PWWP2A: variants seen among roughly 807,000 people sequenced by gnomAD.
PWWP2A encodes PWWP domain containing 2A.
PWWP2A carries 18 observed loss-of-function variants against 48.5 expected under a neutral mutation model. That is an observed-to-expected ratio of 0.37 (90% CI 0.26 to 0.55). PWWP2A has a LOEUF of 0.55. Ranked by LOEUF, PWWP2A falls within the 20% of genes least tolerant of loss-of-function variation. The pLI, the probability that PWWP2A is intolerant of heterozygous loss-of-function variation, is 0.81. For synonymous variants in PWWP2A, 396 were observed against 387.7 expected (o/e 1.02, Z -0.25); for missense variants, 867 against 976.4 (o/e 0.89, Z 1.49).
At chr5:160,067,789 A>ATGTT (rs750920604) in intron 2 of PWWP2A, among the ~76,000 whole-genome samples, 1 of 152,236 alleles carries the variant, frequency 6.6e-6, no homozygotes, top group Non-Finnish European at 1.5e-5. Context: ...CCTTTTGAAA[A>ATGTT]TGTTTGACCA....
chr5:160,072,833 A>AAATG (rs1753772356), downstream of PWWP2A, among the ~76,000 whole-genome samples: 1 of 151,860 alleles, frequency 6.6e-6, no homozygotes, highest in South Asian at 2.1e-4. Context: ...AAAAATAAAT[A>AAATG]AATGAATAAG....
Position 160,117,546 on chromosome 5 carries a change from A to G in PWWP2A, c.584+1259T>C, listed in dbSNP as rs149088288. 6.8e-3 allele frequency among the ~76,000 whole-genome samples: 1,039 copies of G among 152,068 alleles called. 14 individuals are homozygous for G. Among genetic ancestry groups the G allele is most frequent in the African/African-American group, 0.024 (988 of 41,492 alleles). On this transcript the variant is annotated intron_variant, in intron 1 of 1. Coordinates refer to ENST00000307063, the MANE Select transcript of PWWP2A (RefSeq NM_001130864.2). ...GTGGCGCACGCCTGTAGTCCCAGCT[A>G]CTTGGGAGGCTGAGGCGGGAGAATC... is the stretch of plus-strand genomic sequence containing the variant.
At position 160,094,133 on chromosome 5, in the gene PWWP2A, AAAC is replaced by A. The variant is rs1443667140; in HGVS notation, c.585-71_585-69del. 81 of 1,435,288 alleles carry A rather than the reference AAAC, an allele frequency of 5.6e-5. 1 individual carries two copies. Among genetic ancestry groups the A allele is most frequent in the South Asian group, 8.9e-5 (6 of 67,546 alleles). The allele number at this position is 1,435,288 out of a possible 1,614,324, so 88.9% of individuals were successfully genotyped here. A position where few individuals can be genotyped will look rare whatever the true frequency, so the allele number is the denominator to read the frequency against. ...ATCTATAATTCAATTTCTTAAACGT[AAAC>A]AACATCTGATGCTTATTTATATAAC... On this transcript the variant is annotated intron_variant, in intron 1 of 1. Coordinates refer to ENST00000307063, the MANE Select transcript of PWWP2A (RefSeq NM_001130864.2).
exon 5 of PWWP2A, chr5:160,063,618 TG>T (rs1753499196): frequency 6.6e-6 from 1 of 152,124 alleles, no homozygotes; most frequent in South Asian, 2.1e-4. Flanking sequence ...GTACCTCTGG[TG>T]ATTAGGGATT....
chr5:160,094,975 G>A (rs1044716918), intron 1 of PWWP2A, among the ~76,000 whole-genome samples: 2 of 131,864 alleles, frequency 1.5e-5, no homozygotes, highest in African/African-American at 5.7e-5. Context: ...GTGAACCCAA[G>A]AGGCAGAGCT....
chr5:160,051,293 C>A, the PWWP2A span: 3 of 821,238 alleles, frequency 3.7e-6, no homozygotes, highest in Non-Finnish European at 5.6e-6. Flanking sequence ...GACTCTACCA[C>A]AAGGCTACTG....
chr5:160,078,313 G>T lies in PWWP2A; in HGVS notation c.1670-145C>A. 1.6e-6 allele frequency: 1 copy of T among 627,826 alleles called. No homozygotes were observed. 38.9% of individuals were successfully genotyped at this position (627,826 alleles called of 1,614,324 possible). A position where few individuals can be genotyped will look rare whatever the true frequency, so the allele number is the denominator to read the frequency against. On this transcript the variant is annotated intron_variant, in intron 3 of 3. Transcript: ENST00000456329. This position sits in a 1 kb window ranked among gnomAD's most constrained non-coding sequence, Gnocchi z 4.2. Reference sequence around the variant, plus strand: ...TTTAAATCGGTTAAACCTGACCGATGTTGTTTTGAGAAAACAACTTACTGC... The same window carrying T: ...TTTAAATCGGTTAAACCTGACCGATTTTGTTTTGAGAAAACAACTTACTGC...
At chr5:160,063,984 T>TTTTTTTTTG (rs1482966350) in intron 4 of PWWP2A, among the ~76,000 whole-genome samples, 1 of 149,758 alleles carries the variant, frequency 6.7e-6, no homozygotes. Flanking sequence ...TTTTTTTTTT[T>TTTTTTTTTG]TTGAGACGGA....
downstream of PWWP2A, chr5:160,089,825 A>G (rs1027446446): frequency 5.1e-6 from 5 of 985,402 alleles, no homozygotes; most frequent in Admixed American, 1.2e-4. Context: ...TGTTATCTCC[A>G]TATCAAGAAT....
the PWWP2A span, among the ~76,000 whole-genome samples, chr5:160,045,505 CACACACACA>C: frequency 3.7e-4 from 36 of 97,258 alleles, no homozygotes; most frequent in African/African-American, 8.5e-4. Context: ...CACACACACA[CACACACACA>C]TACACACTCT....
chr5:160,060,210 C>A (rs550419315), downstream of PWWP2A, among the ~76,000 whole-genome samples: 1 of 152,100 alleles, frequency 6.6e-6, no homozygotes, highest in African/African-American at 2.4e-5. Context: ...AATCCATGCC[C>A]GAGTGATCTT....
chr5:160,093,176 T>A lies in PWWP2A; in HGVS notation c.1474A>T (p.Thr492Ser), dbSNP rs1561669840. 6.2e-7 allele frequency: 1 copy of A among 1,613,976 alleles called. No individual in the cohort carries two copies. Among genetic ancestry groups the A allele is most frequent in the Admixed American group, 1.7e-5 (1 of 60,022 alleles). Residue 492 changes from threonine to serine, a missense_variant, in exon 2 of 2, where the codon ACA becomes TCA. Transcript: ENST00000307063. This position sits in a 1 kb window ranked among gnomAD's most constrained non-coding sequence, Gnocchi z 5.8. ...CCACTCCGCATTTTCTCAAGTCCTG[T>A]CTTCAGAGAAGAGTCATTTTCTTCA... ...RNEENDSSLK[T>S]GLEKMRSGKM... is the part of the protein sequence containing the mutation.
intron 1 of PWWP2A, among the ~76,000 whole-genome samples, chr5:160,111,536 G>C (rs1757574668): frequency 1.3e-5 from 2 of 151,908 alleles, no homozygotes; most frequent in South Asian, 2.1e-4. Context: ...TGGGAGGCTG[G>C]GGTGGGAGGA....
chr5:160,046,446 T>C, the PWWP2A span, among the ~76,000 whole-genome samples: 1 of 152,206 alleles, frequency 6.6e-6, no homozygotes, highest in African/African-American at 2.4e-5. Context: ...CTTCAACATT[T>C]TGGAAGTCTC....
chr5:160,082,383 G>A (rs1352792058), intron 2 of PWWP2A, among the ~76,000 whole-genome samples: 1 of 151,248 alleles, frequency 6.6e-6, no homozygotes, highest in Non-Finnish European at 1.5e-5. Flanking sequence ...GGCGGAGCTT[G>A]CAGTGAGCCG....
intron 2 of PWWP2A, among the ~76,000 whole-genome samples, chr5:160,085,831 T>G (rs1364438178): frequency 1.3e-5 from 2 of 148,880 alleles, no homozygotes; most frequent in East Asian, 2.0e-4. Context: ...TTTTTTTTTT[T>G]GTTTTGAGAT....
At chr5:160,099,678 ATT>A (rs747258403) in intron 1 of PWWP2A, among the ~76,000 whole-genome samples, 8 of 140,360 alleles carry the variant, frequency 5.7e-5, no homozygotes, top group Non-Finnish European at 4.7e-5. Flanking sequence ...CAAAAAAAAA[ATT>A]TTTTTTTTTT....
intron 1 of PWWP2A, among the ~76,000 whole-genome samples, chr5:160,115,865 T>C (rs555809200): frequency 2.0e-5 from 3 of 151,882 alleles, no homozygotes; most frequent in African/African-American, 7.2e-5. Context: ...AAAAAAACAC[T>C]GTCTCCTGGA....
intron 1 of PWWP2A, chr5:160,113,215 A>C: frequency 1.0e-6 from 1 of 982,376 alleles, no homozygotes; most frequent in Non-Finnish European, 1.2e-6. Context: ...TCAATAATTT[A>C]CTATTTAGTA....
Sources: allele counts gnomAD v4.1 joint callset (sites outside exome capture counted in the v4.1 genomes callset), GRCh38; gene constraint gnomAD v4.1.1; non-coding constraint Gnocchi (gnomAD v3.1); transcripts MANE v1.5; gene names NCBI Gene and HGNC (gene_info 2026-07-23, HGNC 2026-07-21).